Variants in LEPR observed in about 807,000 individuals in gnomAD.
LEPR encodes the protein OB receptor.
A neutral mutation model predicts 114.7 loss-of-function variants in LEPR; 56 were observed. That is an observed-to-expected ratio of 0.49 (90% confidence interval 0.39 to 0.61). The LOEUF (loss-of-function observed/expected upper bound fraction) is 0.61, where lower values mean the gene tolerates loss of function less well. Ranked by LOEUF, LEPR falls within the 20% of genes least tolerant of loss-of-function variation. LEPR has a pLI of 0.00. For synonymous variants in LEPR, 443 were observed against 461.4 expected (o/e 0.96, Z 0.51); for missense variants, 1,202 against 1,352.9 (o/e 0.89, Z 1.75).
chr1:65,476,090 C>G (rs1265036977), intron 2 of LEPR, among the ~76,000 whole-genome samples: 1 of 150,532 alleles, frequency 6.6e-6, no homozygotes, highest in African/African-American at 2.4e-5. Flanking sequence ...AATTGAAAAC[C>G]TTTAGCATTA....
chr1:65,507,860 T>A (rs189988350), intron 2 of LEPR, among the ~76,000 whole-genome samples: 1 of 152,286 alleles, frequency 6.6e-6, no homozygotes, highest in East Asian at 1.9e-4. Context: ...TGCTAATACT[T>A]ATCTTTCGAA....
At chr1:65,454,457 A>C (rs1397278502) in intron 2 of LEPR, among the ~76,000 whole-genome samples, 3 of 151,584 alleles carry the variant, frequency 2.0e-5, no homozygotes, top group Non-Finnish European at 2.9e-5. Context: ...TTTCTTCAGG[A>C]GCTCATTTAG....
intron 2 of LEPR, among the ~76,000 whole-genome samples, chr1:65,557,010 G>A (rs1652859245): frequency 6.6e-6 from 1 of 152,172 alleles, no homozygotes; most frequent in Admixed American, 6.6e-5. Flanking sequence ...AGCAAGGACA[G>A]AAGTAGAGAG....
intron 5 of LEPR, among the ~76,000 whole-genome samples, chr1:65,586,347 G>A (rs1345539478): frequency 6.6e-6 from 1 of 152,008 alleles, no homozygotes; most frequent in African/African-American, 2.4e-5. Context: ...TATATTTAAT[G>A]TGCTTTCTCT....
intron 2 of LEPR, among the ~76,000 whole-genome samples, chr1:65,443,923 A>G (rs77223187): frequency 0.094 from 14,173 of 150,006 alleles, 892 homozygotes; most frequent in African/African-American, 0.13. Flanking sequence ...AAGGAACTCA[A>G]TAAGAAAAGG....
At chr1:65,544,134 T>C (rs1385260704) in intron 2 of LEPR, among the ~76,000 whole-genome samples, 2 of 152,034 alleles carry the variant, frequency 1.3e-5, no homozygotes, top group Non-Finnish European at 2.9e-5. Context: ...TGTCCTCTCT[T>C]ATTTCCTTGA....
intron 2 of LEPR, among the ~76,000 whole-genome samples, chr1:65,488,218 C>T (rs376010598): frequency 0.37 from 23,531 of 64,128 alleles, 5,059 homozygotes; most frequent in Middle Eastern, 0.44. Flanking sequence ...CTTTCTCTCT[C>T]TCTCTCTCTC....
intron 2 of LEPR, among the ~76,000 whole-genome samples, chr1:65,469,205 C>G (rs1025290781): frequency 6.6e-6 from 1 of 152,088 alleles, no homozygotes; most frequent in Non-Finnish European, 1.5e-5. Flanking sequence ...ACAGATGAGG[C>G]AGGGCTGTGT....
Position 65,429,909 on chromosome 1 carries a change from T to C in LEPR, c.-21+4531T>C, listed in dbSNP as rs747747880. On this transcript the variant is annotated intron_variant, in intron 2 of 19. Transcript: ENST00000349533. Reference sequence around the variant, plus strand: ...CTGATTTTCCACGCCATCTCCCCCATCCCCCATTTCATTGCCAAAAGAGTC... The same window carrying C: ...CTGATTTTCCACGCCATCTCCCCCACCCCCCATTTCATTGCCAAAAGAGTC... 15 of 1,538,996 alleles carry C rather than the reference T, an allele frequency of 9.7e-6. No homozygotes were observed. In the South Asian group the frequency reaches 1.7e-4, roughly 18 times the overall value.
intron 8 of LEPR, among the ~76,000 whole-genome samples, chr1:65,601,127 A>T (rs1040003769): frequency 6.6e-6 from 1 of 152,034 alleles, no homozygotes; most frequent in African/African-American, 2.4e-5. Flanking sequence ...ACTGGCTAAA[A>T]CATATTTTAT....
chr1:65,517,025 T>A (rs1212654429), intron 2 of LEPR, among the ~76,000 whole-genome samples: 1 of 152,224 alleles, frequency 6.6e-6, no homozygotes, highest in Non-Finnish European at 1.5e-5. Flanking sequence ...AATCTCTCAT[T>A]AAATTTTAGT....
chr1:65,437,240 A>T (rs1469847245), intron 2 of LEPR, among the ~76,000 whole-genome samples: 4 of 152,156 alleles, frequency 2.6e-5, no homozygotes, highest in African/African-American at 4.8e-5. Flanking sequence ...ACAGTTGCTC[A>T]GCTCTTTAAT....
At chr1:65,482,123 T>TATACAC (rs1647260026) in intron 2 of LEPR, among the ~76,000 whole-genome samples, 1 of 149,526 alleles carries the variant, frequency 6.7e-6, no homozygotes, top group South Asian at 2.1e-4. Flanking sequence ...ATTTTACACA[T>TATACAC]ACACACACAC....
intron 2 of LEPR, among the ~76,000 whole-genome samples, chr1:65,440,755 G>A (rs1266474471): frequency 3.3e-5 from 5 of 152,124 alleles, no homozygotes; most frequent in Non-Finnish European, 7.3e-5. Context: ...ATTGTAAGGC[G>A]TCGGCATTCA....
At chr1:65,447,672 A>G (rs1209154228) in intron 2 of LEPR, among the ~76,000 whole-genome samples, 1 of 151,758 alleles carries the variant, frequency 6.6e-6, no homozygotes, top group Non-Finnish European at 1.5e-5. Flanking sequence ...ACCTGGGACT[A>G]CAGGTGTGCA....
At chr1:65,571,761 C>A (rs1306108886) in intron 4 of LEPR, among the ~76,000 whole-genome samples, 2 of 141,978 alleles carry the variant, frequency 1.4e-5, no homozygotes, top group Non-Finnish European at 3.0e-5. Flanking sequence ...AGAGACCAGC[C>A]TGGGCAACAT....
intron 2 of LEPR, among the ~76,000 whole-genome samples, chr1:65,492,165 G>A (rs1159345824): frequency 6.6e-6 from 1 of 152,136 alleles, no homozygotes. Flanking sequence ...GTGCACAAGT[G>A]GGGGTAAAAG....
At position 65,546,996 on chromosome 1, in the gene LEPR, A is replaced by G. The variant is rs185912193; in HGVS notation, c.-20-18550A>G. Among the ~76,000 whole-genome samples the G allele has an allele frequency of 3.7e-3, 567 of 152,278 alleles. 2 individuals are homozygous for G. The highest frequency in any genetic ancestry group is 0.013 in the African/African-American group (523 of 41,552). On this transcript the variant is annotated intron_variant, in intron 2 of 19. Transcript: ENST00000349533. ...GATATGTCCCATGAATACCTAATTT[A>G]TTGAGAGTTTTTAGCATGAAGGGTT...
intron 1 of LEPR, among the ~76,000 whole-genome samples, chr1:65,424,217 AC>A (rs1355622751): frequency 6.6e-6 from 1 of 152,238 alleles, no homozygotes; most frequent in Non-Finnish European, 1.5e-5. Context: ...TACAGGGAAT[AC>A]ATATTTTATT....
Sources: gnomAD v4.1 joint callset for allele counts (sites outside exome capture counted in the v4.1 genomes callset) on GRCh38, gnomAD v4.1.1 for gene constraint, MANE v1.5 for transcripts, NCBI Gene and HGNC (gene_info 2026-07-23, HGNC 2026-07-21) for gene names.